IQUB: variants seen among roughly 807,000 people sequenced by gnomAD.
IQUB encodes IQ motif and ubiquitin domain containing.
In IQUB, 86 loss-of-function variants were observed where a neutral mutation model predicts 86.4. That is an observed-to-expected ratio of 1.00 (90% CI 0.84 to 1.19). IQUB has a LOEUF of 1.19. Among genes scored for constraint, IQUB ranks in the 50% most tolerant of loss-of-function variants. The probability of loss-of-function intolerance (pLI) is 0.00; values close to 1 mark genes in which losing one functional copy is unlikely to be tolerated. For missense variants in IQUB, 946 were observed against 916.9 expected (o/e 1.03, Z -0.41); for synonymous variants, 289 against 304.5 (o/e 0.95, Z 0.53).
rs747148461 is a variant in IQUB, at chr7:123,479,656, A to T, written c.1410+139T>A. The T allele has an allele frequency of 1.0e-4, 67 of 657,160 alleles. 1 individual carries two copies. The highest frequency in any genetic ancestry group is 1.6e-4 in the Non-Finnish European group (63 of 401,350). The allele number at this position is 657,160 out of a possible 1,614,324, so 40.7% of individuals were successfully genotyped here. On this transcript the variant is annotated intron_variant, in intron 8 of 12. Coordinates refer to ENST00000324698, the MANE Select transcript of IQUB (RefSeq NM_178827.5). Reference sequence around the variant, plus strand: ...AAGCTATACCAGAAAAAAATAAATCAAATTTTAAGAAATATGTCATCAAAA... The same window carrying T: ...AAGCTATACCAGAAAAAAATAAATCTAATTTTAAGAAATATGTCATCAAAA...
At chr7:123,516,156 G>C (rs1025806875) in intron 1 of IQUB, among the ~76,000 whole-genome samples, 1 of 152,078 alleles carries the variant, frequency 6.6e-6, no homozygotes, top group African/African-American at 2.4e-5. Context: ...TTAAGACTAA[G>C]ACTCAAGGAA....
chr7:123,528,338 C>T (rs1383559373), intron 1 of IQUB, among the ~76,000 whole-genome samples: 1 of 152,088 alleles, frequency 6.6e-6, no homozygotes, highest in Non-Finnish European at 1.5e-5. Flanking sequence ...CTTGACTCCT[C>T]CCCGAAAAAA....
intron 9 of IQUB, among the ~76,000 whole-genome samples, chr7:123,467,887 T>C (rs1794335247): frequency 6.6e-6 from 1 of 152,206 alleles, no homozygotes; most frequent in Non-Finnish European, 1.5e-5. Context: ...AAAATGCTTC[T>C]AATGTAAGAC....
At position 123,464,900 on chromosome 7, in the gene IQUB, ATTCTTT is replaced by A; in HGVS notation, c.1685_1690del (p.Lys562_Arg563del). On this transcript the variant is annotated inframe_deletion, in exon 10 of 13. Coordinates refer to ENST00000324698, the MANE Select transcript of IQUB (RefSeq NM_178827.5). ...GATATAATGAAAAAAGAGTGTCGCA[ATTCTTT>A]TTCTGAGTCCTTCAAGGTTATGATG... 1 of 1,607,782 alleles carries A rather than the reference ATTCTTT, an allele frequency of 6.2e-7. No individual in the cohort carries two copies. Among genetic ancestry groups the A allele is most frequent in the Non-Finnish European group, 8.5e-7 (1 of 1,177,402 alleles).
At chr7:123,518,918 A>G (rs1440956511) in intron 1 of IQUB, among the ~76,000 whole-genome samples, 1 of 148,678 alleles carries the variant, frequency 6.7e-6, no homozygotes, top group Non-Finnish European at 1.5e-5. Flanking sequence ...TTTATGACTA[A>G]TTCCTCATCT....
chr7:123,461,349 G>T lies in IQUB; in HGVS notation c.2007+8C>A. The T allele has an allele frequency of 1.3e-6, 2 of 1,598,990 alleles. No homozygotes were observed. Among genetic ancestry groups the T allele is most frequent in the South Asian group, 2.2e-5 (2 of 90,012 alleles). On this transcript the variant is annotated splice_region_variant and intron_variant, in intron 11 of 12. Coordinates refer to ENST00000324698, the MANE Select transcript of IQUB (RefSeq NM_178827.5). ...TCAGCTATAATTGGCACCCCTTATT[G>T]ACCATACCTGCATCAAGAAAGCAAT... is the stretch of plus-strand genomic sequence containing the variant.
chr7:123,508,018 T>G (rs978299622), intron 3 of IQUB, among the ~76,000 whole-genome samples: 1 of 152,316 alleles, frequency 6.6e-6, no homozygotes, highest in East Asian at 1.9e-4. Context: ...TTGAGAATTT[T>G]GAGTTGGAAA....
chr7:123,501,885 A>T (rs1187711382), intron 6 of IQUB: 1 of 152,168 alleles, frequency 6.6e-6, no homozygotes, highest in Non-Finnish European at 1.5e-5. Flanking sequence ...TTTAGTTTGG[A>T]CTGAAAAAGT....
intron 7 of IQUB, among the ~76,000 whole-genome samples, chr7:123,491,942 T>C (rs938251351): frequency 6.6e-6 from 1 of 152,118 alleles, no homozygotes; most frequent in Admixed American, 6.5e-5. Flanking sequence ...AGTCTGACAA[T>C]ACATAAAGAC....
Position 123,479,953 on chromosome 7 carries a change from G to A in IQUB, c.1252C>T (p.Leu418Phe), listed in dbSNP as rs1399462795. Residue 418 changes from leucine to phenylalanine, a missense_variant, in exon 8 of 13, where the codon CTT becomes TTT. Transcript: ENST00000324698. ...NALEFWRQEE[L>F]TRINQSFTGA... ...GTAAAAGATTGGTTAATACGTGTAA[G>A]TTCTTCTTGCCGCCAGACTAGAGGA... is the stretch of plus-strand genomic sequence containing the variant. 1.9e-6 allele frequency: 3 copies of A among 1,608,504 alleles called. No individual in the cohort carries two copies. The South Asian group carries it at 3.3e-5, about 18-fold the overall frequency.
chr7:123,502,342 T>A, intron 6 of IQUB: 1 of 443,742 alleles, frequency 2.3e-6, no homozygotes, highest in Non-Finnish European at 4.0e-6. Context: ...TTGAGAAGGC[T>A]AATAATGGCC....
At chr7:123,520,093 A>G (rs1796834609) in intron 1 of IQUB, among the ~76,000 whole-genome samples, 1 of 152,070 alleles carries the variant, frequency 6.6e-6, no homozygotes, top group African/African-American at 2.4e-5. Flanking sequence ...AAATTTTTAA[A>G]TTTTTGTTGA....
At chr7:123,498,778 C>T (rs1157900194) in intron 6 of IQUB, among the ~76,000 whole-genome samples, 1 of 152,190 alleles carries the variant, frequency 6.6e-6, no homozygotes, top group Non-Finnish European at 1.5e-5. Context: ...AAGTGGCTCA[C>T]ATTGTCCCTC....
At chr7:123,502,568 G>T (rs749756123) in intron 6 of IQUB, 29 bp downstream of exon 6, 2 of 1,591,560 alleles carry the variant, frequency 1.3e-6, no homozygotes, top group Admixed American at 1.8e-5. Flanking sequence ...CAAATTTTTA[G>T]TATTCATCCA....
intron 12 of IQUB, among the ~76,000 whole-genome samples, chr7:123,454,254 C>T (rs553071138): frequency 1.1e-4 from 17 of 152,052 alleles, no homozygotes; most frequent in African/African-American, 3.9e-4. Context: ...TACACATGTA[C>T]AGAACTTTAT....
intron 7 of IQUB, 108 bp downstream of exon 7, chr7:123,496,588 A>G (rs951016744): frequency 5.8e-5 from 37 of 634,286 alleles, no homozygotes; most frequent in Non-Finnish European, 9.2e-5. Context: ...CAAATTTCCA[A>G]GACATCTCCC....
intron 6 of IQUB, 37 bp downstream of exon 6, chr7:123,502,560 A>G (rs1372205055): frequency 5.0e-6 from 8 of 1,585,198 alleles, no homozygotes; most frequent in South Asian, 1.2e-5. Context: ...TTATATATCA[A>G]ATTTTTAGTA....
intron 1 of IQUB, among the ~76,000 whole-genome samples, chr7:123,528,265 T>C (rs1481985693): frequency 4.6e-5 from 7 of 152,328 alleles, no homozygotes; most frequent in African/African-American, 1.2e-4. Flanking sequence ...AATGCAGAAA[T>C]CACCCGTCTT....
intron 7 of IQUB, among the ~76,000 whole-genome samples, chr7:123,483,236 C>A (rs1432161929): frequency 1.3e-5 from 2 of 152,078 alleles, no homozygotes; most frequent in Non-Finnish European, 2.9e-5. Context: ...CTTTATTCAA[C>A]ATACTCTCCC....
Sources: allele counts gnomAD v4.1 joint callset (sites outside exome capture counted in the v4.1 genomes callset), GRCh38; gene constraint gnomAD v4.1.1; transcripts MANE v1.5; gene names NCBI Gene and HGNC (gene_info 2026-07-23, HGNC 2026-07-21).